CFAP99: variants seen among roughly 807,000 people sequenced by gnomAD.
The protein encoded by CFAP99 is cilia and flagella associated protein 99, also known as cilia- and flagella-associated protein 99.
Under a neutral mutation model 82.7 loss-of-function variants are expected in CFAP99, and 84 were observed. That is an observed-to-expected ratio of 1.02 (90% confidence interval 0.85 to 1.22). The LOEUF is 1.22. Among genes scored for constraint, CFAP99 ranks in the 50% most tolerant of loss-of-function variants. The pLI, the probability that CFAP99 is intolerant of heterozygous loss-of-function variation, is 0.00. For missense variants in CFAP99, 1,059 were observed against 983.5 expected (o/e 1.08, Z -1.03); for synonymous variants, 456 against 429.5 (o/e 1.06, Z -0.76).
chr4:2,426,547 C>T, exon 2 of CFAP99: 1 of 1,536,026 alleles, frequency 6.5e-7, no homozygotes. Flanking sequence ...AGAGGGACAA[C>T]CCTGAGCAGT....
At chr4:2,462,972 C>T (rs999704464), downstream of CFAP99, 5 of 1,094,364 alleles carry the variant, frequency 4.6e-6, no homozygotes, top group Non-Finnish European at 5.8e-6. This position sits in a 1 kb window ranked among gnomAD's most constrained non-coding sequence, Gnocchi z 4.1. Context: ...CCCCCTACAC[C>T]CGCCGCCCCA....
chr4:2,439,526 G>A (rs1336270522), intron 4 of CFAP99, among the ~76,000 whole-genome samples: 1 of 152,180 alleles, frequency 6.6e-6, no homozygotes, highest in Non-Finnish European at 1.5e-5. Flanking sequence ...GGGACCGGCG[G>A]CTCACACAGC....
At chr4:2,426,477 T>G in exon 2 of CFAP99, 1 of 1,535,252 alleles carries the variant, frequency 6.5e-7, no homozygotes, top group Non-Finnish European at 8.7e-7. Context: ...CCTAAGAAGA[T>G]GGCCTACTAT....
chr4:2,449,185 C>T (rs1235133879), intron 6 of CFAP99, among the ~76,000 whole-genome samples: 1 of 152,030 alleles, frequency 6.6e-6, no homozygotes, highest in East Asian at 1.9e-4. Context: ...TCGGAGCCTC[C>T]TGTGACTGGA....
At chr4:2,426,299 C>T (rs1733680677) in intron 1 of CFAP99, among the ~76,000 whole-genome samples, 160 bp from the exon 2 acceptor site, 1 of 147,462 alleles carries the variant, frequency 6.8e-6, no homozygotes, top group African/African-American at 2.6e-5. Flanking sequence ...CCGGCCCTCC[C>T]CACTGCTGTA....
chr4:2,429,725 G>A (rs1415896976), intron 2 of CFAP99, among the ~76,000 whole-genome samples: 1 of 152,032 alleles, frequency 6.6e-6, no homozygotes, highest in Non-Finnish European at 1.5e-5. Flanking sequence ...CCGAGTAGCT[G>A]GGACTACAGG....
chr4:2,462,419 T>C lies in CFAP99; in HGVS notation c.1662-24T>C. 1 of 1,410,302 alleles carries C rather than the reference T, an allele frequency of 7.1e-7. No individual in the cohort carries two copies. The highest frequency in any genetic ancestry group is 1.5e-5 in the African/African-American group (1 of 66,136). 87.4% of individuals were successfully genotyped at this position (1,410,302 alleles called of 1,614,324 possible). A position where few individuals can be genotyped will look rare whatever the true frequency, so the allele number is the denominator to read the frequency against. On this transcript the variant is annotated intron_variant, in intron 14 of 14. Coordinates refer to ENST00000635017, the Ensembl canonical transcript of CFAP99. This position sits in a 1 kb window ranked among gnomAD's most constrained non-coding sequence, Gnocchi z 4.1. Reference sequence around the variant, plus strand: ...CCTGGGCCTCCCGCCGGCCTGCTCCTGAGCCCGCCGCGTCGCCCGCCAGGT... The same window carrying C: ...CCTGGGCCTCCCGCCGGCCTGCTCCCGAGCCCGCCGCGTCGCCCGCCAGGT...
chr4:2,444,962 A>G (rs1314648587), intron 5 of CFAP99, among the ~76,000 whole-genome samples, 169 bp from the exon 6 acceptor site: 3 of 152,188 alleles, frequency 2.0e-5, no homozygotes, highest in Non-Finnish European at 4.4e-5. Context: ...GACAGCGTGT[A>G]TGCCTACAAG....
intron 5 of CFAP99, 89 bp from the exon 6 acceptor site, chr4:2,445,042 T>C: frequency 9.9e-7 from 1 of 1,008,748 alleles, no homozygotes; most frequent in Non-Finnish European, 1.3e-6. Flanking sequence ...ACCCAATCGC[T>C]GCGGGAGCCC....
At chr4:2,450,078 G>A (rs1252370356) in intron 8 of CFAP99, 73 bp downstream of exon 8, 6 of 1,418,732 alleles carry the variant, frequency 4.2e-6, no homozygotes, top group Admixed American at 2.0e-5. Flanking sequence ...TCCTCCCAAC[G>A]CCATCGCAGT....
At chr4:2,443,168 A>G (rs1334769481) in exon 5 of CFAP99, 2 of 1,535,446 alleles carry the variant, frequency 1.3e-6, no homozygotes, top group African/African-American at 1.4e-5. Flanking sequence ...ACCTGTGCTC[A>G]TGGATCAAGG....
intron 5 of CFAP99, among the ~76,000 whole-genome samples, chr4:2,444,924 C>T (rs540968510): frequency 4.6e-5 from 7 of 152,244 alleles, no homozygotes; most frequent in South Asian, 2.1e-4. Flanking sequence ...AAGGGGACTG[C>T]GTCTGTATAT....
intron 12 of CFAP99, 55 bp from the exon 13 acceptor site, chr4:2,459,052 C>T: frequency 6.8e-7 from 1 of 1,468,182 alleles, no homozygotes; most frequent in Non-Finnish European, 9.0e-7. Flanking sequence ...GCCTTCCTGT[C>T]CAGCCCCTGC....
chr4:2,421,721 A>T (rs923199095), intron 1 of CFAP99, among the ~76,000 whole-genome samples: 6 of 150,634 alleles, frequency 4.0e-5, no homozygotes, highest in Non-Finnish European at 7.3e-5. Flanking sequence ...TAAAATCAAT[A>T]TGAGAAAAAA....
rs1284384784 is a variant in CFAP99 at position 2,462,913 on chromosome 4, TG to T, written c.2134del (p.Glu712ArgfsTer?). ...TCAGGACCCGGGCCCGCGCGCCGCC[TG>T]GAGGCCGCCTGAGCCGGGCCGAGCG... On this transcript the variant is annotated frameshift_variant, in exon 15 of 15. Transcript: ENST00000635017. LOFTEE classifies it high-confidence loss of function. This position sits in a 1 kb window ranked among gnomAD's most constrained non-coding sequence, Gnocchi z 4.1. The T allele has an allele frequency of 7.7e-7, 1 of 1,305,878 alleles. No individual in the cohort carries two copies. Among genetic ancestry groups the T allele is most frequent in the Non-Finnish European group, 9.7e-7 (1 of 1,034,060 alleles). 80.9% of individuals were successfully genotyped at this position (1,305,878 alleles called of 1,614,324 possible).
At chr4:2,452,325 G>A (rs1404199299) in exon 11 of CFAP99, 6 of 1,534,800 alleles carry the variant, frequency 3.9e-6, no homozygotes, top group Non-Finnish European at 5.2e-6. Context: ...ACAAGCAGAG[G>A]GTGGAGCAGC....
In CFAP99 at chr4:2,446,540, C is replaced by T. The variant is rs574430281; in HGVS notation, c.642+1232C>T. Among the ~76,000 whole-genome samples the T allele has an allele frequency of 3.3e-5, 5 of 152,118 alleles. No individual in the cohort carries two copies. The highest frequency in any genetic ancestry group is 1.9e-4 in the East Asian group (1 of 5,188). ...CCCGAGTAGCTGGGATTACAGGTAC[C>T]GGCCACCACACCCGGCTAATTTTTA... is the stretch of plus-strand genomic sequence containing the variant. On this transcript the variant is annotated intron_variant, in intron 6 of 14. Transcript: ENST00000635017. The surrounding 1 kb of genome is among the most constrained non-coding windows in gnomAD (Gnocchi z 5.0).
At position 2,462,019 on chromosome 4, in the gene CFAP99, C is replaced by T. The variant is rs2108738920; in HGVS notation, c.1662-424C>T. On this transcript the variant is annotated intron_variant, in intron 14 of 14. Coordinates refer to ENST00000635017, the Ensembl canonical transcript of CFAP99. The surrounding 1 kb of genome is among the most constrained non-coding windows in gnomAD (Gnocchi z 4.1). ...TTAAAAAAAAAAAAGCTGCTAGGCG[C>T]CGTGGCTCACGCCTGTAATCCCAGC... Among the ~76,000 whole-genome samples, 1 of 151,888 alleles carries T rather than the reference C, an allele frequency of 6.6e-6. No homozygotes were observed. The highest frequency in any genetic ancestry group is 1.9e-4 in the East Asian group (1 of 5,178).
intron 6 of CFAP99, among the ~76,000 whole-genome samples, chr4:2,447,053 T>C (rs1734181341): frequency 6.6e-6 from 1 of 150,578 alleles, no homozygotes; most frequent in Admixed American, 6.6e-5. Flanking sequence ...CATGGAAGGA[T>C]AAGTTGATGG....
Sources: gnomAD v4.1 joint callset for allele counts (sites outside exome capture counted in the v4.1 genomes callset) on GRCh38, gnomAD v4.1.1 for gene constraint, Gnocchi (gnomAD v3.1) non-coding constraint, MANE v1.5 for transcripts, NCBI Gene and HGNC (gene_info 2026-07-23, HGNC 2026-07-21) for gene names.